Variants in GRM7 observed in about 807,000 individuals in gnomAD.
GRM7 encodes the protein glutamate metabotropic receptor 7.
In GRM7, 35 loss-of-function variants were observed where a neutral mutation model predicts 84.5. That is an observed-to-expected ratio of 0.41 (90% CI 0.32 to 0.55). GRM7 has a LOEUF of 0.55. Among genes scored for constraint, GRM7 ranks in the 20% least tolerant of loss-of-function variants. The pLI, the probability that GRM7 is intolerant of heterozygous loss-of-function variation, is 0.19. For missense variants in GRM7, 1,003 were observed against 1,194.6 expected, an observed-to-expected ratio of 0.84 and a Z score of 2.36; for synonymous variants, 487 against 455.1, an observed-to-expected ratio of 1.07 and a Z score of -0.89.
chr3:7,336,358 A>G (rs756858046), intron 4 of GRM7, among the ~76,000 whole-genome samples: 4 of 152,002 alleles, frequency 2.6e-5, no homozygotes, highest in Non-Finnish European at 4.4e-5. Flanking sequence ...TATAACTAAA[A>G]CCCTCAGCAA....
chr3:7,727,102 C>T (rs114093034), intron 9 of GRM7, among the ~76,000 whole-genome samples: 1,595 of 152,138 alleles, frequency 0.01, 36 homozygotes, highest in African/African-American at 0.036. Flanking sequence ...TCCTTTTGTA[C>T]TAAATATTAT....
chr3:7,261,227 G>A (rs1303008899), intron 2 of GRM7, among the ~76,000 whole-genome samples: 1 of 152,176 alleles, frequency 6.6e-6, no homozygotes, highest in Non-Finnish European at 1.5e-5. Context: ...CCTGGAGAGA[G>A]CAAACATATT....
chr3:6,953,598 T>G (rs1299334164), intron 1 of GRM7, among the ~76,000 whole-genome samples: 2 of 152,200 alleles, frequency 1.3e-5, no homozygotes, highest in Non-Finnish European at 2.9e-5. Flanking sequence ...TTTGTATAAC[T>G]AAAAAAGCAC....
At chr3:6,968,291 G>A (rs1421606399) in intron 1 of GRM7, among the ~76,000 whole-genome samples, 3 of 151,998 alleles carry the variant, frequency 2.0e-5, no homozygotes, top group Non-Finnish European at 4.4e-5. Context: ...TCTCTGTGTC[G>A]AAATTTCTTC....
chr3:7,456,556 A>G (rs1294141473), intron 6 of GRM7, among the ~76,000 whole-genome samples: 2 of 142,490 alleles, frequency 1.4e-5, no homozygotes, highest in Non-Finnish European at 3.1e-5. Context: ...GAGACACAGG[A>G]CAACTAAGTC....
At chr3:7,018,308 A>T (rs1695649319) in intron 1 of GRM7, among the ~76,000 whole-genome samples, 1 of 152,260 alleles carries the variant, frequency 6.6e-6, no homozygotes, top group Non-Finnish European at 1.5e-5. Flanking sequence ...TTTGGAAGTG[A>T]TTCCAGAGAT....
chr3:7,378,766 C>T (rs968913004), intron 4 of GRM7, among the ~76,000 whole-genome samples: 7 of 152,114 alleles, frequency 4.6e-5, no homozygotes, highest in African/African-American at 1.7e-4. Flanking sequence ...CCCATGTCTA[C>T]AATACCTGCT....
chr3:7,199,052 C>A (rs1206549406), intron 2 of GRM7, among the ~76,000 whole-genome samples: 1 of 152,158 alleles, frequency 6.6e-6, no homozygotes, highest in Non-Finnish European at 1.5e-5. Flanking sequence ...TCAAAAGCTA[C>A]TGCTATCAAT....
intron 2 of GRM7, among the ~76,000 whole-genome samples, chr3:7,290,796 T>C (rs1699593306): frequency 6.6e-6 from 1 of 152,200 alleles, no homozygotes; most frequent in Non-Finnish European, 1.5e-5. Flanking sequence ...GGTGTTCATC[T>C]GTCCTTGCTT....
At chr3:7,397,418 G>C (rs959742374) in intron 4 of GRM7, among the ~76,000 whole-genome samples, 2 of 152,038 alleles carry the variant, frequency 1.3e-5, no homozygotes, top group African/African-American at 4.8e-5. Context: ...GTAGCGGGGA[G>C]GCAGAGATGA....
chr3:6,865,804 T>C (rs1694919355), intron 1 of GRM7, among the ~76,000 whole-genome samples: 1 of 152,086 alleles, frequency 6.6e-6, no homozygotes, highest in Non-Finnish European at 1.5e-5. Context: ...GCTGAGCACA[T>C]AGGGTGGTGT....
intron 7 of GRM7, among the ~76,000 whole-genome samples, chr3:7,497,958 ATTC>A (rs1699761207): frequency 6.6e-6 from 1 of 152,206 alleles, no homozygotes; most frequent in Non-Finnish European, 1.5e-5. Flanking sequence ...TGTATTATTG[ATTC>A]TTCTTCCAGG....
Position 7,530,887 on chromosome 3 carries a change from T to G in GRM7, c.1516-47535T>G, listed in dbSNP as rs566034843. Among the ~76,000 whole-genome samples the G allele has an allele frequency of 6.4e-4, 98 of 152,240 alleles. 1 individual carries two copies. Among genetic ancestry groups the G allele is most frequent in the African/African-American group, 2.3e-3 (96 of 41,558 alleles). Reference sequence around the variant, plus strand: ...ATAGATTACAAAAATTTTCTCCCATTCTGTAGGTTGCCTGTTCACTCTGAT... The same window carrying G: ...ATAGATTACAAAAATTTTCTCCCATGCTGTAGGTTGCCTGTTCACTCTGAT... On this transcript the variant is annotated intron_variant, in intron 7 of 9. Transcript: ENST00000357716.
At chr3:7,525,255 T>TA (rs1437535766) in intron 7 of GRM7, among the ~76,000 whole-genome samples, 2 of 151,938 alleles carry the variant, frequency 1.3e-5, no homozygotes, top group Non-Finnish European at 2.9e-5. Context: ...CCCTAAAACT[T>TA]AAAGTATAAT....
At chr3:7,644,971 A>G (rs2125108086) in intron 8 of GRM7, among the ~76,000 whole-genome samples, 1 of 152,150 alleles carries the variant, frequency 6.6e-6, no homozygotes, top group South Asian at 2.1e-4. Context: ...CTGCCCTTGA[A>G]GCTTCATTGA....
chr3:7,356,557 C>T (rs754223886), intron 4 of GRM7, among the ~76,000 whole-genome samples: 3 of 152,098 alleles, frequency 2.0e-5, no homozygotes, highest in Non-Finnish European at 4.4e-5. Context: ...CCCACTTCAG[C>T]CTCCCAAAGT....
chr3:6,886,252 C>G (rs1056377869), intron 1 of GRM7, among the ~76,000 whole-genome samples: 2 of 151,938 alleles, frequency 1.3e-5, no homozygotes, highest in Non-Finnish European at 2.9e-5. Flanking sequence ...AGAGTGTAGT[C>G]CCGCATGTTG....
rs145924749 is a variant in GRM7, at chr3:7,325,942, A to G, written c.1033+19290A>G. On this transcript the variant is annotated intron_variant, in intron 4 of 9. Transcript: ENST00000357716. ...GAGCGAGAAACAGCACCAAAGCCAG[A>G]CCTGAATGTGTGTTTCATCGTAATG... Among the ~76,000 whole-genome samples the G allele has an allele frequency of 1.4e-4, 21 of 152,244 alleles. No homozygotes were observed. The East Asian group carries it at 3.7e-3, about 27-fold the overall frequency.
At chr3:7,704,483 G>C (rs997517859) in intron 9 of GRM7, among the ~76,000 whole-genome samples, 4 of 151,848 alleles carry the variant, frequency 2.6e-5, no homozygotes, top group Non-Finnish European at 4.4e-5. Flanking sequence ...ATTTATATTT[G>C]AACAATCCAA....
Sources: allele counts gnomAD v4.1 joint callset (sites outside exome capture counted in the v4.1 genomes callset), GRCh38; gene constraint gnomAD v4.1.1; transcripts MANE v1.5; gene names NCBI Gene and HGNC (gene_info 2026-07-23, HGNC 2026-07-21).